The following LCA5L variants were observed in gnomAD, a reference collection of about 807,000 sequenced individuals.
LCA5L encodes the protein lebercilin-like protein.
In LCA5L, 35 loss-of-function variants were observed where a neutral mutation model predicts 45.4. That is an observed-to-expected ratio of 0.77 (90% CI 0.59 to 1.02). LCA5L has a LOEUF of 1.02. Among genes scored for constraint, LCA5L ranks in the 50% least tolerant of loss-of-function variants. LCA5L has a pLI of 0.00. For synonymous variants in LCA5L, 233 were observed against 264.7 expected, an observed-to-expected ratio of 0.88 and a Z score of 1.16; for missense variants, 668 against 761.6, an observed-to-expected ratio of 0.88 and a Z score of 1.45.
chr21:39,411,672 C>G, intron 8 of LCA5L, 46 bp downstream of exon 8: 1 of 957,832 alleles, frequency 1.0e-6, no homozygotes, highest in African/African-American at 1.7e-5. Flanking sequence ...GAAAATCTGA[C>G]TAGATACTTA....
At chr21:39,435,903 G>C (rs1006161484) in intron 2 of LCA5L, among the ~76,000 whole-genome samples, 1 of 152,196 alleles carries the variant, frequency 6.6e-6, no homozygotes, top group Non-Finnish European at 1.5e-5. Context: ...CTCCCAAAGT[G>C]CTGGGATTAC....
At position 39,423,108 on chromosome 21, in the gene LCA5L, T is replaced by C; in HGVS notation, c.705A>G (p.Leu235=). 1 of 1,613,910 alleles carries C rather than the reference T, an allele frequency of 6.2e-7. No homozygotes were observed. The highest frequency in any genetic ancestry group is 1.1e-5 in the South Asian group (1 of 91,020). Residue 235 remains leucine (L), a synonymous_variant, in exon 6 of 11, where the codon TTA becomes TTG. Transcript: ENST00000288350. Reference sequence around the variant, plus strand: ...CCTGCAAGATATCTTTAGTCTTCAGTAACTGGCTGTCAGTTTCTCTAAGTT... The same window carrying C: ...CCTGCAAGATATCTTTAGTCTTCAGCAACTGGCTGTCAGTTTCTCTAAGTT... ...SRKLRETDSQ[L]LKTKDILQAL... is the part of the protein sequence containing the mutation.
At chr21:39,420,351 G>A (rs1340190099) in intron 7 of LCA5L, among the ~76,000 whole-genome samples, 8 of 151,896 alleles carry the variant, frequency 5.3e-5, no homozygotes, top group Non-Finnish European at 1.0e-4. Flanking sequence ...GCAAAAGCCC[G>A]TCTCTACTAA....
In LCA5L at chr21:39,410,279, T is replaced by G. The variant is rs1451091179; in HGVS notation, c.1149A>C (p.Pro383=). 7.5e-6 allele frequency: 12 copies of G among 1,605,446 alleles called. No individual in the cohort carries two copies. The highest frequency in any genetic ancestry group is 1.0e-5 in the Non-Finnish European group (12 of 1,174,996). The part of the protein sequence containing the change: ...RHQGTQKSDV[P]PLTTKGKKAT... ...TTTGCTGTACCTTAGTTGTCAAAGG[T>G]GGAACATCTGATTTTTGGGTTCCCT... The change falls in exon 9 of 11, where the codon CCA becomes CCC. Residue 383 remains proline, a synonymous_variant. Transcript: ENST00000288350.
chr21:39,406,726 G>C, intron 10 of LCA5L, 114 bp from the exon 11 acceptor site: 1 of 756,020 alleles, frequency 1.3e-6, no homozygotes, highest in Non-Finnish European at 2.1e-6. Flanking sequence ...TGAAATGACA[G>C]AAAAGGTAAG....
At position 39,423,112 on chromosome 21, in the gene LCA5L, T is replaced by C; in HGVS notation, c.701A>G (p.Gln234Arg). Residue 234 changes from glutamine to arginine, a missense_variant, in exon 6 of 11, where the codon CAG (glutamine) becomes CGG (arginine). Gln to Arg is a conservative substitution (Grantham distance 43). Transcript: ENST00000288350. ...LSRKLRETDS[Q>R]LLKTKDILQA... is the part of the protein sequence containing the mutation. ...CAAGATATCTTTAGTCTTCAGTAAC[T>C]GGCTGTCAGTTTCTCTAAGTTTCCT... 1 of 1,613,860 alleles carries C rather than the reference T, an allele frequency of 6.2e-7. No individual in the cohort carries two copies. The highest frequency in any genetic ancestry group is 8.5e-7 in the Non-Finnish European group (1 of 1,179,818).
At chr21:39,417,570 C>G (rs1390524912) in intron 7 of LCA5L, among the ~76,000 whole-genome samples, 3 of 151,976 alleles carry the variant, frequency 2.0e-5, no homozygotes, top group Admixed American at 6.6e-5. Context: ...CTTTTTCAGG[C>G]TGCTGATAAA....
intron 5 of LCA5L, 100 bp from the exon 6 acceptor site, chr21:39,423,590 C>A: frequency 2.0e-6 from 2 of 983,792 alleles, no homozygotes; most frequent in South Asian, 3.7e-5. Context: ...TGCACACACA[C>A]CACACACATA....
intron 7 of LCA5L, among the ~76,000 whole-genome samples, chr21:39,412,247 C>A (rs781474218): frequency 2.6e-5 from 4 of 152,122 alleles, no homozygotes; most frequent in Non-Finnish European, 5.9e-5. Flanking sequence ...TATTGGATGG[C>A]ACAGGTGAAC....
intron 7 of LCA5L, among the ~76,000 whole-genome samples, chr21:39,419,624 C>T (rs528258182): frequency 5.9e-5 from 9 of 151,918 alleles, no homozygotes; most frequent in South Asian, 2.1e-4. Flanking sequence ...GATACTTTTA[C>T]GACGTGGGCC....
At chr21:39,436,648 A>AT in intron 2 of LCA5L, among the ~76,000 whole-genome samples, 1 of 151,920 alleles carries the variant, frequency 6.6e-6, no homozygotes, top group South Asian at 2.1e-4. Context: ...TGCCCAACTA[A>AT]TTTTTTTATT....
intron 7 of LCA5L, among the ~76,000 whole-genome samples, chr21:39,419,411 G>A (rs552399647): frequency 1.3e-5 from 2 of 151,656 alleles, no homozygotes; most frequent in African/African-American, 4.8e-5. Flanking sequence ...TGTGATCCCA[G>A]CTACTTGGGA....
chr21:39,444,141 A>G lies in LCA5L; in HGVS notation c.-252T>C, dbSNP rs1430919121. ...TCAGCACCCAGGTACTTACTATTCA[A>G]AATGATCAGCATACGGATGATCATT... On this transcript the variant is annotated 5_prime_UTR_variant, in exon 2 of 11. Coordinates refer to ENST00000288350, the MANE Select transcript of LCA5L (RefSeq NM_152505.4). The G allele has an allele frequency of 6.6e-6, 1 of 152,130 alleles. No homozygotes were observed. Among genetic ancestry groups the G allele is most frequent in the African/African-American group, 2.4e-5 (1 of 41,410 alleles). 9.4% of individuals were successfully genotyped at this position (152,130 alleles called of 1,614,324 possible).
intron 5 of LCA5L, 29 bp downstream of exon 5, chr21:39,428,143 G>T (rs757597933): frequency 7.8e-7 from 1 of 1,277,274 alleles, no homozygotes; most frequent in Admixed American, 2.1e-5. Context: ...ACAGAAATTT[G>T]GTCTTGCTTG....
chr21:39,408,659 C>T (rs1389183783), intron 10 of LCA5L: 2 of 152,416 alleles, frequency 1.3e-5, no homozygotes, highest in Non-Finnish European at 2.9e-5. Flanking sequence ...TTGTTTCCAC[C>T]TACTCCCAAG....
chr21:39,440,400 A>AAAAAC (rs1239450382), intron 2 of LCA5L, among the ~76,000 whole-genome samples: 4 of 152,290 alleles, frequency 2.6e-5, no homozygotes, highest in East Asian at 3.9e-4. Flanking sequence ...CATCTCTATA[A>AAAAAC]AAAACAAAAC....
Position 39,410,113 on chromosome 21 carries a change from C to T in LCA5L, c.1165-17G>A. The T allele has an allele frequency of 6.5e-7, 1 of 1,533,488 alleles. No homozygotes were observed. The highest frequency in any genetic ancestry group is 2.3e-5 in the East Asian group (1 of 44,430). The allele number at this position is 1,533,488 out of a possible 1,614,324, so 95.0% of individuals were successfully genotyped here. On this transcript the variant is annotated splice_polypyrimidine_tract_variant and intron_variant, in intron 9 of 10. Transcript: ENST00000288350. ...CTTTTTACCCTGTAATTTAGAAAAG[C>T]AGCAAAAACACATTTTGGGGGGTCT...
intron 7 of LCA5L, among the ~76,000 whole-genome samples, chr21:39,419,581 A>T (rs1264727438): frequency 6.6e-6 from 1 of 151,872 alleles, no homozygotes; most frequent in Non-Finnish European, 1.5e-5. Flanking sequence ...TATAGTGCTA[A>T]ATTTCTTATG....
chr21:39,409,170 C>T lies in LCA5L; in HGVS notation c.1282+809G>A, dbSNP rs775819344. Reference sequence around the variant, plus strand: ...CACTGGAGCACTGGTGCTCTCTCCCCGACTCTCCTCGTGCGAGCACTAAGG... The same window carrying T: ...CACTGGAGCACTGGTGCTCTCTCCCTGACTCTCCTCGTGCGAGCACTAAGG... On this transcript the variant is annotated intron_variant, in intron 10 of 10. Coordinates refer to ENST00000288350, the MANE Select transcript of LCA5L (RefSeq NM_152505.4). This position sits in a 1 kb window ranked among gnomAD's most constrained non-coding sequence, Gnocchi z 4.2. Among the ~76,000 whole-genome samples the T allele has an allele frequency of 2.0e-5, 3 of 152,044 alleles. No homozygotes were observed. The highest frequency in any genetic ancestry group is 6.6e-5 in the Admixed American group (1 of 15,250).
Sources: gnomAD v4.1 joint callset for allele counts (sites outside exome capture counted in the v4.1 genomes callset) on GRCh38, gnomAD v4.1.1 for gene constraint, Gnocchi (gnomAD v3.1) non-coding constraint, MANE v1.5 for transcripts, NCBI Gene and HGNC (gene_info 2026-07-23, HGNC 2026-07-21) for gene names.